The following GALNTL6 variants were observed in gnomAD, a reference collection of about 807,000 sequenced individuals.
The protein encoded by GALNTL6 is polypeptide N-acetylgalactosaminyltransferase like 6.
GALNTL6 carries 46 observed loss-of-function variants against 73.7 expected under a neutral mutation model. The observed-to-expected ratio is 0.62, with a 90% CI of 0.49 to 0.80. The LOEUF is 0.80. Among genes scored for constraint, GALNTL6 ranks in the 30% least tolerant of loss-of-function variants. The probability of loss-of-function intolerance (pLI) is 0.00; values close to 1 mark genes in which losing one functional copy is unlikely to be tolerated. For synonymous variants in GALNTL6, 259 were observed against 263.7 expected (o/e 0.98, Z 0.17); for missense variants, 604 against 755.0 (o/e 0.80, Z 2.34).
At chr4:172,306,948 T>C (rs1341849496) in intron 3 of GALNTL6, among the ~76,000 whole-genome samples, 1 of 152,220 alleles carries the variant, frequency 6.6e-6, no homozygotes, top group East Asian at 1.9e-4. Flanking sequence ...CTTTTTCTTA[T>C]GATGACTTCT....
At chr4:172,943,723 T>C (rs1749022272) in intron 9 of GALNTL6, among the ~76,000 whole-genome samples, 1 of 152,208 alleles carries the variant, frequency 6.6e-6, no homozygotes, top group Non-Finnish European at 1.5e-5. Context: ...TGATAAGTGC[T>C]TAATATCCAG....
intron 2 of GALNTL6, among the ~76,000 whole-genome samples, chr4:172,039,563 A>G (rs1302220879): frequency 1.3e-5 from 2 of 152,122 alleles, no homozygotes; most frequent in African/African-American, 2.4e-5. Context: ...AGTTATGGAG[A>G]GAAAGCAGGA....
chr4:172,829,669 A>C (rs912353629), intron 7 of GALNTL6, among the ~76,000 whole-genome samples: 7 of 152,232 alleles, frequency 4.6e-5, no homozygotes, highest in Non-Finnish European at 1.0e-4. Context: ...AACAAAATGC[A>C]GTAGACATAG....
intron 7 of GALNTL6, among the ~76,000 whole-genome samples, chr4:172,873,440 CTG>C (rs1007894309): frequency 4.6e-4 from 70 of 152,334 alleles, no homozygotes; most frequent in African/African-American, 1.5e-3. Flanking sequence ...GGGGTGAAGT[CTG>C]TCATCCTCTA....
In GALNTL6 at chr4:172,506,849, A is replaced by T. The variant is rs1300326434; in HGVS notation, c.553+158160A>T. 3.6e-5 allele frequency among the ~76,000 whole-genome samples: 2 copies of T among 55,728 alleles called. 1 individual carries two copies. The highest frequency in any genetic ancestry group is 8.3e-5 in the Non-Finnish European group (2 of 24,090). 36.6% of individuals were successfully genotyped at this position (55,728 alleles called of 152,430 possible). ...TCTGAGCCACTCACCACTACTCATGAGTACACAGGCCAAGGCCCTTGGCTT... is the reference window on the plus strand; with the variant it reads ...TCTGAGCCACTCACCACTACTCATGTGTACACAGGCCAAGGCCCTTGGCTT... On this transcript the variant is annotated intron_variant, in intron 5 of 12. Transcript: ENST00000506823.
chr4:172,381,622 A>G (rs184310489), intron 5 of GALNTL6, among the ~76,000 whole-genome samples: 1 of 152,330 alleles, frequency 6.6e-6, no homozygotes, highest in African/African-American at 2.4e-5. Context: ...TTTATGAGCT[A>G]TAACAATAAT....
chr4:172,298,334 A>T (rs1313769994), intron 3 of GALNTL6, among the ~76,000 whole-genome samples: 1 of 152,180 alleles, frequency 6.6e-6, no homozygotes, highest in African/African-American at 2.4e-5. Flanking sequence ...TCCTAATTGA[A>T]TACCCTTCAT....
rs552299862 is a variant in GALNTL6, at chr4:172,195,672, C to A, written c.139-33984C>A. On this transcript the variant is annotated intron_variant, in intron 2 of 12. Transcript: ENST00000506823. Reference sequence around the variant, plus strand: ...CCCAACTACATGGAAACTGAGCAACCTGCTCCTGAATGACTCTTGGGTGAA... The same window carrying A: ...CCCAACTACATGGAAACTGAGCAACATGCTCCTGAATGACTCTTGGGTGAA... Among the ~76,000 whole-genome samples, 3 of 152,294 alleles carry A rather than the reference C, an allele frequency of 2.0e-5. No individual in the cohort carries two copies. The South Asian group carries it at 6.2e-4, about 32-fold the overall frequency.
At chr4:172,922,978 T>A (rs1250543135) in intron 8 of GALNTL6, among the ~76,000 whole-genome samples, 1 of 151,984 alleles carries the variant, frequency 6.6e-6, no homozygotes, top group Non-Finnish European at 1.5e-5. Context: ...ATCTCACACC[T>A]CAGAGATCAC....
rs367935957 is a variant in GALNTL6, at chr4:172,109,214, T to C, written c.139-120442T>C. ...CTTTTAGTTCTAAGGCTCTCATCAA[T>C]GAAGAATTTTGTTAAAGCCAAAAAT... On this transcript the variant is annotated intron_variant, in intron 2 of 12. Coordinates refer to ENST00000506823, the MANE Select transcript of GALNTL6 (RefSeq NM_001034845.3). 3.3e-3 allele frequency among the ~76,000 whole-genome samples: 500 copies of C among 151,506 alleles called. 3 individuals carry two copies. The highest frequency in any genetic ancestry group is 0.011 in the African/African-American group (473 of 41,314).
At chr4:172,042,380 A>T (rs1742108560) in intron 2 of GALNTL6, among the ~76,000 whole-genome samples, 1 of 152,074 alleles carries the variant, frequency 6.6e-6, no homozygotes, top group African/African-American at 2.4e-5. Context: ...ACATAAAAAT[A>T]AGCCTTTAAC....
intron 5 of GALNTL6, among the ~76,000 whole-genome samples, chr4:172,568,267 A>G (rs917692148): frequency 6.6e-6 from 1 of 152,088 alleles, no homozygotes; most frequent in Admixed American, 6.5e-5. Flanking sequence ...ATAAACTCAC[A>G]TGGAATGCTT....
intron 2 of GALNTL6, among the ~76,000 whole-genome samples, chr4:171,967,441 CT>C (rs1320616430): frequency 2.8e-4 from 8 of 28,108 alleles, no homozygotes; most frequent in Admixed American, 1.5e-3. Context: ...TTTCTTCCCC[CT>C]ATGGGTTTTT....
Position 172,617,080 on chromosome 4 carries a change from T to C in GALNTL6, c.554-192281T>C, listed in dbSNP as rs837187. On this transcript the variant is annotated intron_variant, in intron 5 of 12. Coordinates refer to ENST00000506823, the MANE Select transcript of GALNTL6 (RefSeq NM_001034845.3). ...TGTATGGTAATCCTACAGCCAAAAA[T>C]AGACACATTTTCTGGACGGCTTCTC... is the stretch of plus-strand genomic sequence containing the variant. 7.8e-3 allele frequency among the ~76,000 whole-genome samples: 1,179 copies of C among 151,914 alleles called. 14 individuals carry two copies. The highest frequency in any genetic ancestry group is 0.027 in the African/African-American group (1,133 of 41,438).
At chr4:172,437,303 C>T (rs569815672) in intron 5 of GALNTL6, among the ~76,000 whole-genome samples, 3 of 152,218 alleles carry the variant, frequency 2.0e-5, no homozygotes, top group South Asian at 4.1e-4. Context: ...AATTCTAAAA[C>T]ATCCACAATG....
chr4:172,132,400 T>C (rs1733522536), intron 2 of GALNTL6, among the ~76,000 whole-genome samples: 1 of 152,172 alleles, frequency 6.6e-6, no homozygotes, highest in East Asian at 1.9e-4. Context: ...CACCAAAAAA[T>C]CATCTTTTCC....
intron 6 of GALNTL6, among the ~76,000 whole-genome samples, chr4:172,811,543 A>G (rs1254052018): frequency 6.6e-6 from 1 of 152,220 alleles, no homozygotes; most frequent in East Asian, 1.9e-4. Flanking sequence ...CTGGGGAAAT[A>G]CCATTCAGTA....
intron 2 of GALNTL6, among the ~76,000 whole-genome samples, chr4:171,998,986 G>A (rs987656339): frequency 6.6e-6 from 1 of 152,138 alleles, no homozygotes; most frequent in African/African-American, 2.4e-5. Flanking sequence ...ATGTCCAGAG[G>A]AAGAAGGAAT....
intron 2 of GALNTL6, among the ~76,000 whole-genome samples, chr4:171,995,227 C>A (rs1421450695): frequency 1.3e-5 from 2 of 151,834 alleles, no homozygotes; most frequent in Admixed American, 6.6e-5. Flanking sequence ...AGAATATCAA[C>A]CATAAAGAGA....
Sources: allele counts gnomAD v4.1 joint callset (sites outside exome capture counted in the v4.1 genomes callset), GRCh38; gene constraint gnomAD v4.1.1; transcripts MANE v1.5; gene names NCBI Gene and HGNC (gene_info 2026-07-23, HGNC 2026-07-21).